COL15A1: variants seen among roughly 807,000 people sequenced by gnomAD.
The protein encoded by COL15A1 is collagen type XV alpha 1 chain.
COL15A1 carries 111 observed loss-of-function variants against 165.9 expected under a neutral mutation model. The observed-to-expected ratio is 0.67, with a 90% CI of 0.57 to 0.78. COL15A1 has a LOEUF of 0.78. COL15A1 is among the 30% of genes least tolerant of loss of function. The pLI is 0.00. For synonymous variants in COL15A1, 659 were observed against 674.8 expected (o/e 0.98, Z 0.36); for missense variants, 1,745 against 1,789.7 (o/e 0.98, Z 0.45).
intron 36 of COL15A1, among the ~76,000 whole-genome samples, chr9:99,061,471 A>G (rs1311797391): frequency 6.6e-6 from 1 of 152,238 alleles, no homozygotes; most frequent in Non-Finnish European, 1.5e-5. Context: ...TAATGTAACT[A>G]CCAAGCTAGA....
intron 2 of COL15A1, among the ~76,000 whole-genome samples, chr9:98,975,945 A>G (rs970212737): frequency 5.3e-5 from 8 of 152,220 alleles, no homozygotes; most frequent in African/African-American, 1.9e-4. Flanking sequence ...AAGGAATAGC[A>G]TGAGTGAAGG....
At chr9:99,026,249 CT>C (rs1393987160) in intron 16 of COL15A1, among the ~76,000 whole-genome samples, 3 of 152,168 alleles carry the variant, frequency 2.0e-5, no homozygotes, top group Non-Finnish European at 4.4e-5. Context: ...CTAACTCCTC[CT>C]TCCCTCCCTT....
At chr9:99,052,261 G>A in intron 30 of COL15A1, 127 bp from the exon 31 acceptor site, 1 of 744,452 alleles carries the variant, frequency 1.3e-6, no homozygotes, top group South Asian at 1.5e-5. Context: ...GGACTCCAGA[G>A]CCAAAGGAAG....
chr9:99,043,518 T>C (rs946521574), intron 24 of COL15A1, among the ~76,000 whole-genome samples: 1 of 152,190 alleles, frequency 6.6e-6, no homozygotes, highest in African/African-American at 2.4e-5. Context: ...GCTCTGGCCA[T>C]TGCAGTGAAC....
chr9:98,948,596 C>CAAA (rs67986686), intron 2 of COL15A1, among the ~76,000 whole-genome samples: 75 of 100,238 alleles, frequency 7.5e-4, no homozygotes, highest in East Asian at 1.4e-3. Context: ...GACTCTGTCT[C>CAAA]AAAAAAAAAA....
intron 40 of COL15A1, 26 bp downstream of exon 40, chr9:99,067,093 C>T (rs1220929537): frequency 6.3e-7 from 1 of 1,593,088 alleles, no homozygotes; most frequent in South Asian, 1.1e-5. Flanking sequence ...GTTCCCATTG[C>T]CTTCTGCATG....
chr9:99,005,179 A>C, intron 9 of COL15A1, 129 bp downstream of exon 9: 3 of 974,706 alleles, frequency 3.1e-6, no homozygotes, highest in Non-Finnish European at 4.4e-6. Flanking sequence ...CCAAATACTC[A>C]CTTGGGGGTG....
chr9:98,974,011 G>T (rs1384459701), intron 2 of COL15A1, among the ~76,000 whole-genome samples: 1 of 152,236 alleles, frequency 6.6e-6, no homozygotes, highest in Non-Finnish European at 1.5e-5. Context: ...AGTCCACCTT[G>T]CAGGCTGAGG....
At chr9:98,966,548 G>A (rs1371195856) in intron 2 of COL15A1, among the ~76,000 whole-genome samples, 2 of 152,248 alleles carry the variant, frequency 1.3e-5, no homozygotes, top group Non-Finnish European at 2.9e-5. Context: ...TAACAGAGAA[G>A]GGGAAGCCCG....
At chr9:98,948,876 C>T (rs1410280403) in intron 2 of COL15A1, among the ~76,000 whole-genome samples, 2 of 152,180 alleles carry the variant, frequency 1.3e-5, no homozygotes, top group African/African-American at 4.8e-5. Context: ...AATACAACAT[C>T]CATTCAGAAA....
chr9:98,987,650 A>G (rs1838339066), intron 4 of COL15A1, among the ~76,000 whole-genome samples: 1 of 152,214 alleles, frequency 6.6e-6, no homozygotes, highest in Non-Finnish European at 1.5e-5. Context: ...TGGTGTCAAG[A>G]TTCTAAAATC....
At chr9:99,066,611 T>TGTTTGTTTGTTTGTTTGTTTG (rs1564098523) in intron 39 of COL15A1, among the ~76,000 whole-genome samples, 2 of 144,746 alleles carry the variant, frequency 1.4e-5, no homozygotes, top group African/African-American at 5.1e-5. Context: ...TTTTTTTTTT[T>TGTTTGTTTGTTTGTTTGTTTG]TTTTTTTTTT....
Position 99,062,097 on chromosome 9 carries a change from C to G in COL15A1, c.3529C>G (p.Gln1177Glu). 1.2e-6 allele frequency: 2 copies of G among 1,613,960 alleles called. No individual in the cohort carries two copies. Among genetic ancestry groups the G allele is most frequent in the Non-Finnish European group, 1.7e-6 (2 of 1,179,950 alleles). ...IRVRDGWKKL[Q>E]LGELIPIPAD... is the part of the protein sequence containing the mutation. ...TGTTAGAGATGGCTGGAAAAAATTA[C>G]AGGTAATTTCTAAACTTCCTTTAAC... The change falls in exon 37 of 42, where the codon CAG becomes GAG. Residue 1177 changes from glutamine (Q) to glutamate (E), a missense_variant and splice_region_variant. Physicochemically the swap from Gln to Glu is conservative, Grantham distance 29 (BLOSUM62 2). Coordinates refer to ENST00000375001, the MANE Select transcript of COL15A1 (RefSeq NM_001855.5).
intron 7 of COL15A1, among the ~76,000 whole-genome samples, chr9:99,002,420 A>G (rs979278439): frequency 6.6e-6 from 1 of 152,212 alleles, no homozygotes; most frequent in Non-Finnish European, 1.5e-5. Flanking sequence ...GAAGAACCGC[A>G]GTACACTGAA....
At chr9:99,047,235 G>A (rs1182930294) in intron 26 of COL15A1, among the ~76,000 whole-genome samples, 4 of 152,254 alleles carry the variant, frequency 2.6e-5, no homozygotes, top group Non-Finnish European at 5.9e-5. Context: ...CACTGAAATA[G>A]GGTCCATGGT....
rs1327161858 is a variant in COL15A1, at chr9:99,003,486, G to C, written c.1099G>C (p.Val367Leu). The C allele has an allele frequency of 1.3e-6, 2 of 1,545,680 alleles. No individual in the cohort carries two copies. The highest frequency in any genetic ancestry group is 1.7e-6 in the Non-Finnish European group (2 of 1,145,692). ...LAATAAGLAE[V>L]PISTAGEAEA... ...AGCAACAGCAGCGGGGCTGGCCGAG[G>C]TGCCCATCAGCACTGCTGGAGAAGC... The change falls in exon 8 of 42, where the codon GTG (valine) becomes CTG (leucine). Residue 367 changes from valine to leucine, a missense_variant. Physicochemically the swap from Val to Leu is conservative, Grantham distance 32. Transcript: ENST00000375001.
intron 30 of COL15A1, 80 bp from the exon 31 acceptor site, chr9:99,052,308 C>T (rs117494490): frequency 0.014 from 14,836 of 1,043,912 alleles, 182 homozygotes; most frequent in Non-Finnish European, 0.018. Context: ...TGTCACATGC[C>T]CCCGGGACAG....
At chr9:99,069,652 C>A in intron 41 of COL15A1, 21 bp from the exon 42 acceptor site, 1 of 1,585,140 alleles carries the variant, frequency 6.3e-7, no homozygotes, top group Non-Finnish European at 8.6e-7. Flanking sequence ...TGAAAAATAA[C>A]ATGACAAAAT....
intron 39 of COL15A1, 77 bp downstream of exon 39, chr9:99,063,186 C>A: frequency 1.4e-6 from 2 of 1,408,762 alleles, no homozygotes; most frequent in Non-Finnish European, 1.9e-6. Context: ...GCTTAGTACA[C>A]AGTTCCTACC....
Sources: allele counts gnomAD v4.1 joint callset (sites outside exome capture counted in the v4.1 genomes callset), GRCh38; gene constraint gnomAD v4.1.1; transcripts MANE v1.5; gene names NCBI Gene and HGNC (gene_info 2026-07-23, HGNC 2026-07-21).